FHIT: variants seen among roughly 807,000 people sequenced by gnomAD.
FHIT encodes fragile histidine triad diadenosine triphosphatase.
Under a neutral mutation model 17.9 loss-of-function variants are expected in FHIT, and 19 were observed. The ratio of observed to expected loss-of-function variants is 1.06; its 90% CI spans 0.74 to 1.56. FHIT has a LOEUF of 1.56. Among genes scored for constraint, FHIT ranks in the 40% most tolerant of loss-of-function variants. The pLI is 0.00. For missense variants in FHIT, 248 were observed against 189.2 expected, an observed-to-expected ratio of 1.31 and a Z score of -1.82; for synonymous variants, 81 against 69.7, an observed-to-expected ratio of 1.16 and a Z score of -0.81.
At chr3:60,802,086 G>A (rs1207393979) in intron 4 of FHIT, among the ~76,000 whole-genome samples, 1 of 152,170 alleles carries the variant, frequency 6.6e-6, no homozygotes, top group Non-Finnish European at 1.5e-5. Flanking sequence ...CTGTCATTAT[G>A]AGAGAATTTC....
At chr3:60,332,399 C>T (rs764751113) in intron 5 of FHIT, among the ~76,000 whole-genome samples, 2 of 152,096 alleles carry the variant, frequency 1.3e-5, no homozygotes, top group African/African-American at 4.8e-5. Context: ...AGAGTATCTA[C>T]GATGGAGGAA....
At chr3:59,758,311 G>C (rs746001706) in intron 8 of FHIT, among the ~76,000 whole-genome samples, 19 of 152,182 alleles carry the variant, frequency 1.2e-4, no homozygotes, top group Non-Finnish European at 2.6e-4. Flanking sequence ...ACTGTTCCCT[G>C]ATGAATCCTG....
At chr3:60,222,774 G>A (rs983455233) in intron 5 of FHIT, among the ~76,000 whole-genome samples, 6 of 152,154 alleles carry the variant, frequency 3.9e-5, no homozygotes, top group Middle Eastern at 3.2e-3. Context: ...GGTGGCACAC[G>A]CCTGTAATCC....
At chr3:60,562,877 C>T (rs2037000829) in intron 4 of FHIT, among the ~76,000 whole-genome samples, 1 of 152,078 alleles carries the variant, frequency 6.6e-6, no homozygotes, top group Non-Finnish European at 1.5e-5. Context: ...AGGACCCAGG[C>T]ATAGACAAGG....
chr3:60,085,547 T>TC (rs1703459490), intron 5 of FHIT, among the ~76,000 whole-genome samples: 1 of 152,216 alleles, frequency 6.6e-6, no homozygotes, highest in Non-Finnish European at 1.5e-5. Flanking sequence ...GTTATTTTTT[T>TC]CCTCCGGAAT....
chr3:60,532,690 GA>G (rs1293048414), intron 5 of FHIT, among the ~76,000 whole-genome samples: 3 of 152,216 alleles, frequency 2.0e-5, no homozygotes, highest in African/African-American at 7.2e-5. Context: ...GCAAGGAACA[GA>G]AGCGTTTGCT....
chr3:60,747,804 G>A (rs2205360), intron 4 of FHIT, among the ~76,000 whole-genome samples: 25,767 of 152,116 alleles, frequency 0.17, 2,524 homozygotes, highest in Middle Eastern at 0.23. Context: ...CCAAGGTTCA[G>A]AGAGGTAAGT....
intron 3 of FHIT, among the ~76,000 whole-genome samples, chr3:60,928,381 A>G (rs1472281642): frequency 1.4e-5 from 2 of 146,526 alleles, no homozygotes; most frequent in African/African-American, 2.5e-5. Context: ...AAAAAAAAAG[A>G]AAAAAAAAGT....
chr3:60,779,642 C>A (rs1427839451), intron 4 of FHIT, among the ~76,000 whole-genome samples: 1 of 152,082 alleles, frequency 6.6e-6, no homozygotes, highest in African/African-American at 2.4e-5. Flanking sequence ...TTCACTTTAG[C>A]ATTTGTCTTA....
At chr3:60,379,929 T>G (rs954439215) in intron 5 of FHIT, among the ~76,000 whole-genome samples, 4 of 152,210 alleles carry the variant, frequency 2.6e-5, no homozygotes, top group Non-Finnish European at 5.9e-5. Flanking sequence ...CAATTTACAA[T>G]TTTGTTTAAC....
chr3:60,627,104 T>C (rs1553681181), intron 4 of FHIT, among the ~76,000 whole-genome samples: 1 of 152,140 alleles, frequency 6.6e-6, no homozygotes, highest in Non-Finnish European at 1.5e-5. Context: ...CCACTGAGGA[T>C]TTTTACATCT....
At chr3:60,323,085 T>C (rs1709506453) in intron 5 of FHIT, among the ~76,000 whole-genome samples, 1 of 152,112 alleles carries the variant, frequency 6.6e-6, no homozygotes, top group African/African-American at 2.4e-5. Flanking sequence ...TCCAACTTCC[T>C]GCAAAAATCC....
chr3:60,352,319 A>G (rs35318702), intron 5 of FHIT, among the ~76,000 whole-genome samples: 2,181 of 152,274 alleles, frequency 0.014, 55 homozygotes, highest in Admixed American at 0.068. Flanking sequence ...AAGGTAAAAG[A>G]TTCATACAAA....
At chr3:60,948,723 A>G (rs998531638) in intron 3 of FHIT, among the ~76,000 whole-genome samples, 6 of 152,216 alleles carry the variant, frequency 3.9e-5, no homozygotes. Context: ...TGAAACAGCT[A>G]TAACAATAAC....
At position 60,099,475 on chromosome 3, in the gene FHIT, A is replaced by C. The variant is rs548958083; in HGVS notation, c.104-85323T>G. 1.1e-4 allele frequency among the ~76,000 whole-genome samples: 17 copies of C among 152,262 alleles called. No individual in the cohort carries two copies. The East Asian group carries it at 2.1e-3, about 19-fold the overall frequency. On this transcript the variant is annotated intron_variant, in intron 5 of 9. Coordinates refer to ENST00000492590, the MANE Select transcript of FHIT (RefSeq NM_002012.4). ...GGTCACTCAGCTGGGATTCTGACCC[A>C]ATCAGTAGGACTTTAGAGCTGGGCT...
At chr3:60,009,640 C>G (rs1055043504) in intron 7 of FHIT, among the ~76,000 whole-genome samples, 6 of 152,110 alleles carry the variant, frequency 3.9e-5, no homozygotes, top group African/African-American at 1.4e-4. Context: ...TATTTTTAGT[C>G]AAGAGATAAT....
chr3:60,429,999 C>A (rs779938305), intron 5 of FHIT, among the ~76,000 whole-genome samples: 4 of 151,860 alleles, frequency 2.6e-5, no homozygotes, highest in Non-Finnish European at 5.9e-5. Context: ...AAGCCCGTGC[C>A]TTAAGAAGTT....
Position 60,452,280 on chromosome 3 carries a change from C to A in FHIT, c.103+84580G>T, listed in dbSNP as rs539505993. ...AGTAACCTACTTCCTGAGCACTGCACCAAGCGATTCATATGCTTTATCTCA... is the reference window on the plus strand; with the variant it reads ...AGTAACCTACTTCCTGAGCACTGCAACAAGCGATTCATATGCTTTATCTCA... On this transcript the variant is annotated intron_variant, in intron 5 of 9. Coordinates refer to ENST00000492590, the MANE Select transcript of FHIT (RefSeq NM_002012.4). Among the ~76,000 whole-genome samples the A allele has an allele frequency of 2.0e-5, 3 of 152,188 alleles. No homozygotes were observed. The South Asian group carries it at 6.2e-4, about 32-fold the overall frequency.
intron 3 of FHIT, among the ~76,000 whole-genome samples, chr3:60,978,174 A>C (rs1476379368): frequency 6.6e-6 from 1 of 152,218 alleles, no homozygotes; most frequent in Admixed American, 6.5e-5. Context: ...AGGTCCTTAA[A>C]GAACCCAAGA....
Sources: gnomAD v4.1 joint callset for allele counts (sites outside exome capture counted in the v4.1 genomes callset) on GRCh38, gnomAD v4.1.1 for gene constraint, MANE v1.5 for transcripts, NCBI Gene and HGNC (gene_info 2026-07-23, HGNC 2026-07-21) for gene names.